The following ADAM32 variants were observed in gnomAD, a reference collection of about 807,000 sequenced individuals.
The protein encoded by ADAM32 is disintegrin and metalloproteinase domain-containing protein 32.
In ADAM32, 89 loss-of-function variants were observed where a neutral mutation model predicts 114.9. That is an observed-to-expected ratio of 0.77 (90% CI 0.65 to 0.92). The LOEUF is 0.92. Among genes scored for constraint, ADAM32 ranks in the 40% least tolerant of loss-of-function variants. ADAM32 has a pLI of 0.00. For synonymous variants in ADAM32, 285 were observed against 307.5 expected (o/e 0.93, Z 0.77); for missense variants, 870 against 932.8 (o/e 0.93, Z 0.88).
chr8:39,262,699 CCTT>C (rs1812113733), intron 19 of ADAM32, among the ~76,000 whole-genome samples: 2 of 150,870 alleles, frequency 1.3e-5, no homozygotes, highest in Admixed American at 1.3e-4. Context: ...CCCTCTCTCT[CCTT>C]CTCTCTTTCT....
At chr8:39,213,681 A>T (rs1050806572) in intron 12 of ADAM32, among the ~76,000 whole-genome samples, 1 of 152,146 alleles carries the variant, frequency 6.6e-6, no homozygotes, top group Non-Finnish European at 1.5e-5. Context: ...AAACAATCCA[A>T]TTATACTCTT....
intron 10 of ADAM32, among the ~76,000 whole-genome samples, chr8:39,174,574 A>G (rs774643352): frequency 6.6e-6 from 1 of 151,816 alleles, no homozygotes; most frequent in Non-Finnish European, 1.5e-5. Flanking sequence ...TTAGTTACAT[A>G]TGTATACATG....
At chr8:39,198,230 G>A (rs574083775) in intron 11 of ADAM32, among the ~76,000 whole-genome samples, 12 of 151,654 alleles carry the variant, frequency 7.9e-5, no homozygotes, top group Non-Finnish European at 1.6e-4. Flanking sequence ...TTTATAGGCA[G>A]CATATATATT....
Position 39,149,766 on chromosome 8 carries a change from CTACTT to C in ADAM32, c.277-18_277-14del, listed in dbSNP as rs755858369. 103 of 1,540,970 alleles carry C rather than the reference CTACTT, an allele frequency of 6.7e-5. No individual in the cohort carries two copies. The highest frequency in any genetic ancestry group is 2.6e-4 in the Admixed American group (15 of 57,992). Reference sequence around the variant, plus strand: ...GAAAGTTTTGTTACTTCCTAAGTGACTACTTTACTTTTTTTCTTTCCTAGACTCAA... The same window carrying C: ...GAAAGTTTTGTTACTTCCTAAGTGACTACTTTTTTTCTTTCCTAGACTCAA... On this transcript the variant is annotated intron_variant, in intron 4 of 24. Transcript: ENST00000379907.
At chr8:39,142,605 A>G (rs931334729) in intron 3 of ADAM32, among the ~76,000 whole-genome samples, 2 of 152,126 alleles carry the variant, frequency 1.3e-5, no homozygotes, top group Non-Finnish European at 2.9e-5. Flanking sequence ...TTTGTTGGTA[A>G]GCCAACCTTT....
chr8:39,144,026 G>A (rs374326307), intron 3 of ADAM32, among the ~76,000 whole-genome samples: 9 of 152,240 alleles, frequency 5.9e-5, no homozygotes, highest in African/African-American at 2.2e-4. Context: ...GACCTGCTGA[G>A]GCAGACACAG....
rs539853051 is a variant in ADAM32 at position 39,257,068 on chromosome 8, T to A, written c.2006-119T>A. On this transcript the variant is annotated intron_variant, in intron 18 of 24. Transcript: ENST00000379907. ...TGATTACAATTCTATAATGATTTTT[T>A]CCATGTTCCTTGAATAACAATACAA... 6.2e-5 allele frequency: 65 copies of A among 1,045,078 alleles called. No individual in the cohort carries two copies. In the African/African-American group the frequency reaches 8.2e-4, roughly 13 times the overall value. The allele number at this position is 1,045,078 out of a possible 1,614,324, so 64.7% of individuals were successfully genotyped here.
chr8:39,189,052 C>T (rs921594826), intron 11 of ADAM32, among the ~76,000 whole-genome samples: 1 of 151,628 alleles, frequency 6.6e-6, no homozygotes, highest in African/African-American at 2.4e-5. Context: ...TTAGCAGGTG[C>T]CAGTAATACT....
intron 11 of ADAM32, among the ~76,000 whole-genome samples, chr8:39,187,342 G>C (rs1386958186): frequency 6.6e-6 from 1 of 152,180 alleles, no homozygotes; most frequent in Non-Finnish European, 1.5e-5. Context: ...CGCTGTCTCG[G>C]CTCACTGCAA....
intron 2 of ADAM32, among the ~76,000 whole-genome samples, chr8:39,130,625 T>C (rs1802385592): frequency 6.6e-6 from 1 of 152,198 alleles, no homozygotes; most frequent in Non-Finnish European, 1.5e-5. Context: ...AAATATTTTC[T>C]AGTTGTCTTT....
At chr8:39,242,845 G>A (rs888109973) in intron 16 of ADAM32, among the ~76,000 whole-genome samples, 2 of 152,154 alleles carry the variant, frequency 1.3e-5, no homozygotes, top group Non-Finnish European at 2.9e-5. Flanking sequence ...TGAAACAAAA[G>A]CTGGTTCTTT....
chr8:39,267,297 C>T (rs1225855132), intron 19 of ADAM32, among the ~76,000 whole-genome samples: 2 of 152,170 alleles, frequency 1.3e-5, no homozygotes, highest in Non-Finnish European at 2.9e-5. Flanking sequence ...CTACAGTTTA[C>T]AGTTCCTTTT....
intron 14 of ADAM32, among the ~76,000 whole-genome samples, chr8:39,230,848 A>C (rs1039696684): frequency 6.6e-6 from 1 of 152,208 alleles, no homozygotes; most frequent in Admixed American, 6.5e-5. Context: ...GTGACTAAAT[A>C]GCCATAATAT....
chr8:39,261,689 C>T (rs1812039462), intron 19 of ADAM32, among the ~76,000 whole-genome samples: 1 of 152,100 alleles, frequency 6.6e-6, no homozygotes, highest in Non-Finnish European at 1.5e-5. Context: ...TCCCTTTTCT[C>T]TGCATTCTTG....
At chr8:39,211,572 A>T (rs1185616435) in intron 12 of ADAM32, among the ~76,000 whole-genome samples, 1 of 152,182 alleles carries the variant, frequency 6.6e-6, no homozygotes, top group Non-Finnish European at 1.5e-5. Flanking sequence ...TAAGCTTTTG[A>T]GTTTCAGACT....
intron 24 of ADAM32, 75 bp from the exon 25 acceptor site, chr8:39,284,718 C>G (rs1480001473): frequency 1.3e-6 from 2 of 1,541,394 alleles, no homozygotes; most frequent in Non-Finnish European, 9.0e-7. Context: ...CTTGGCAATA[C>G]CTCAGCTGCT....
At chr8:39,211,420 T>C in intron 12 of ADAM32, 96 bp downstream of exon 12, 1 of 1,183,280 alleles carries the variant, frequency 8.5e-7, no homozygotes, top group South Asian at 2.5e-5. Context: ...ATGAGTACCA[T>C]GCAGAATGTT....
rs529065518 is a variant in ADAM32 at position 39,171,024 on chromosome 8, C to T, written c.915+1027C>T. Among the ~76,000 whole-genome samples, 14 of 152,250 alleles carry T rather than the reference C, an allele frequency of 9.2e-5. 1 individual carries two copies. The East Asian group carries it at 2.1e-3, about 23-fold the overall frequency. On this transcript the variant is annotated intron_variant, in intron 10 of 24. Transcript: ENST00000379907. ...TCTTGGCTCACTGCAACCTCCGCCT[C>T]CAAGGTTCAAGCGATTCTCATGTCT...
intron 22 of ADAM32, among the ~76,000 whole-genome samples, chr8:39,279,834 G>T (rs1486473702): frequency 6.6e-6 from 1 of 152,162 alleles, no homozygotes; most frequent in Non-Finnish European, 1.5e-5. Context: ...ACCCTCAAGG[G>T]CAGTGATTGT....
Sources: allele counts gnomAD v4.1 joint callset (sites outside exome capture counted in the v4.1 genomes callset), GRCh38; gene constraint gnomAD v4.1.1; transcripts MANE v1.5; gene names NCBI Gene and HGNC (gene_info 2026-07-23, HGNC 2026-07-21).